Variants in HMGCLL1 observed in about 807,000 individuals in gnomAD.
The protein encoded by HMGCLL1 is 3-hydroxymethyl-3-methylglutaryl-CoA lyase, cytoplasmic.
Under a neutral mutation model 39.1 loss-of-function variants are expected in HMGCLL1, and 36 were observed. That is an observed-to-expected ratio of 0.92 (90% CI 0.71 to 1.22). HMGCLL1 has a LOEUF of 1.22. Among genes scored for constraint, HMGCLL1 ranks in the 50% most tolerant of loss-of-function variants. HMGCLL1 has a pLI of 0.00. For synonymous variants in HMGCLL1, 149 were observed against 144.0 expected, an observed-to-expected ratio of 1.03 and a Z score of -0.25; for missense variants, 451 against 416.5, an observed-to-expected ratio of 1.08 and a Z score of -0.72.
intron 5 of HMGCLL1, 75 bp downstream of exon 5, chr6:55,513,973 A>T: frequency 8.0e-7 from 1 of 1,246,260 alleles, no homozygotes; most frequent in Non-Finnish European, 1.1e-6. Context: ...ATGATATAAG[A>T]ATCTCTAGAT....
the HMGCLL1 span, among the ~76,000 whole-genome samples, chr6:55,619,411 G>A: frequency 6.6e-6 from 1 of 151,872 alleles, no homozygotes; most frequent in African/African-American, 2.4e-5. Context: ...ATGCCTTTTC[G>A]CATATTTCAA....
At chr6:55,537,745 A>G (rs2127453522) in intron 3 of HMGCLL1, among the ~76,000 whole-genome samples, 1 of 152,314 alleles carries the variant, frequency 6.6e-6, no homozygotes, top group Non-Finnish European at 1.5e-5. Flanking sequence ...TCAAGGCAGA[A>G]TGTGAACAGG....
chr6:55,458,705 G>A (rs896788281), intron 7 of HMGCLL1, among the ~76,000 whole-genome samples: 6 of 152,170 alleles, frequency 3.9e-5, no homozygotes, highest in African/African-American at 7.2e-5. Flanking sequence ...TACTAATCAA[G>A]TCAGTATCAT....
At chr6:55,667,889 T>C in the HMGCLL1 span, among the ~76,000 whole-genome samples, 191 of 151,862 alleles carry the variant, frequency 1.3e-3, no homozygotes, top group African/African-American at 4.4e-3. Context: ...ATACACTAAA[T>C]GCAACAGACT....
At chr6:55,566,908 C>T (rs1050285585) in intron 1 of HMGCLL1, among the ~76,000 whole-genome samples, 6 of 151,920 alleles carry the variant, frequency 3.9e-5, no homozygotes, top group African/African-American at 1.2e-4. Flanking sequence ...ACATATTTTG[C>T]CAATCAGAAA....
At chr6:55,650,098 T>TATATATACACACATATAC in the HMGCLL1 span, among the ~76,000 whole-genome samples, 23 of 23,322 alleles carry the variant, frequency 9.9e-4, no homozygotes, top group African/African-American at 5.8e-3. Context: ...TACATATATA[T>TATATATACACACATATAC]ATATATATAT....
chr6:55,585,347 G>T, the HMGCLL1 span, among the ~76,000 whole-genome samples: 18 of 152,206 alleles, frequency 1.2e-4, 1 homozygote, highest in African/African-American at 4.1e-4. Context: ...CACAGACATG[G>T]ACTGTTCGTT....
At chr6:55,642,026 T>A in the HMGCLL1 span, among the ~76,000 whole-genome samples, 1 of 139,472 alleles carries the variant, frequency 7.2e-6, no homozygotes. Flanking sequence ...TCATCTAGCA[T>A]TAGGTATATC....
chr6:55,507,019 A>T (rs1767204658), intron 5 of HMGCLL1, among the ~76,000 whole-genome samples: 1 of 151,668 alleles, frequency 6.6e-6, no homozygotes, highest in Admixed American at 6.6e-5. Flanking sequence ...AAAGACATTA[A>T]ATTTGTGTGT....
At chr6:55,437,247 T>C (rs1183452933) in intron 8 of HMGCLL1, among the ~76,000 whole-genome samples, 1 of 151,970 alleles carries the variant, frequency 6.6e-6, no homozygotes, top group East Asian at 1.9e-4. Context: ...TCGTATACTA[T>C]GATAGATTCT....
chr6:55,441,564 T>C (rs1410960680), intron 7 of HMGCLL1, among the ~76,000 whole-genome samples: 1 of 152,194 alleles, frequency 6.6e-6, no homozygotes, highest in Non-Finnish European at 1.5e-5. Context: ...ATTTTTAAAC[T>C]GGTGTCTTTT....
the HMGCLL1 span, among the ~76,000 whole-genome samples, chr6:55,672,249 C>T: frequency 1.3e-5 from 2 of 151,802 alleles, no homozygotes; most frequent in African/African-American, 2.4e-5. Context: ...CTTTATTACC[C>T]TTTAAAATTA....
At chr6:55,461,116 T>C (rs933992159) in intron 7 of HMGCLL1, among the ~76,000 whole-genome samples, 3 of 152,006 alleles carry the variant, frequency 2.0e-5, no homozygotes, top group African/African-American at 7.2e-5. Context: ...AAATAGCATC[T>C]ATTTTGGAGT....
chr6:55,628,255 AT>A, the HMGCLL1 span, among the ~76,000 whole-genome samples: 940 of 121,308 alleles, frequency 7.7e-3, 15 homozygotes, highest in African/African-American at 0.029. Flanking sequence ...GTAGGATAAC[AT>A]TTTTTTCTCT....
At chr6:55,631,776 C>A in the HMGCLL1 span, among the ~76,000 whole-genome samples, 2 of 152,010 alleles carry the variant, frequency 1.3e-5, no homozygotes, top group Non-Finnish European at 2.9e-5. Context: ...TACAACATGA[C>A]AAATTAATGA....
intron 8 of HMGCLL1, among the ~76,000 whole-genome samples, chr6:55,438,691 T>C (rs747600636): frequency 3.1e-4 from 47 of 151,884 alleles, no homozygotes; most frequent in Non-Finnish European, 4.9e-4. Flanking sequence ...TTAATGTAAG[T>C]AGAATGAGGA....
chr6:55,473,766 C>A (rs1489781598), intron 7 of HMGCLL1, among the ~76,000 whole-genome samples: 1 of 151,352 alleles, frequency 6.6e-6, no homozygotes, highest in Non-Finnish European at 1.5e-5. Flanking sequence ...TGAAGACTGT[C>A]TTTTTAAGTT....
intron 7 of HMGCLL1, among the ~76,000 whole-genome samples, chr6:55,440,621 A>T (rs992080716): frequency 1.3e-5 from 2 of 152,086 alleles, no homozygotes; most frequent in Admixed American, 6.6e-5. Flanking sequence ...GCCTAATCCG[A>T]TTCTTCACTC....
At chr6:55,647,786 T>C in the HMGCLL1 span, among the ~76,000 whole-genome samples, 1 of 136,920 alleles carries the variant, frequency 7.3e-6, no homozygotes, top group Non-Finnish European at 1.6e-5. Context: ...TTTTTTATTA[T>C]ACTCTAAGTT....
Sources: allele counts gnomAD v4.1 joint callset (sites outside exome capture counted in the v4.1 genomes callset), GRCh38; gene constraint gnomAD v4.1.1; transcripts MANE v1.5; gene names NCBI Gene and HGNC (gene_info 2026-07-23, HGNC 2026-07-21).